Variants in CDYL observed in about 807,000 individuals in gnomAD.
CDYL encodes chromodomain Y like.
In CDYL, 8 loss-of-function variants were observed where a neutral mutation model predicts 47.3. The observed-to-expected ratio is 0.17, with a 90% confidence interval of 0.10 to 0.31. The LOEUF is 0.31. CDYL is among the 10% of genes least tolerant of loss of function. CDYL has a pLI of 1.00. For missense variants in CDYL, 471 were observed against 701.4 expected (o/e 0.67, Z 3.71); for synonymous variants, 266 against 265.0 (o/e 1.00, Z -0.04).
upstream of CDYL, among the ~76,000 whole-genome samples, chr6:4,776,128 A>G (rs1203900545): frequency 6.7e-6 from 1 of 148,428 alleles, no homozygotes; most frequent in Non-Finnish European, 1.5e-5. Flanking sequence ...CGCAAGCGGG[A>G]CTGGGGAAGT....
At chr6:4,718,193 G>A (rs1405277359) in intron 2 of CDYL, among the ~76,000 whole-genome samples, 1 of 152,006 alleles carries the variant, frequency 6.6e-6, no homozygotes, top group African/African-American at 2.4e-5. Context: ...TATGTATTAT[G>A]CCATAGACCA....
At chr6:4,842,528 T>C (rs1435129705) in intron 1 of CDYL, among the ~76,000 whole-genome samples, 5 of 152,086 alleles carry the variant, frequency 3.3e-5, no homozygotes, top group Non-Finnish European at 7.4e-5. Flanking sequence ...ATGCCCCTCT[T>C]TGTCTTCTTT....
intron 2 of CDYL, among the ~76,000 whole-genome samples, chr6:4,930,351 A>G (rs567177959): frequency 6.6e-6 from 1 of 152,258 alleles, no homozygotes; most frequent in South Asian, 2.1e-4. Flanking sequence ...CCTTTTCCAT[A>G]TCATGTCTCA....
intron 1 of CDYL, among the ~76,000 whole-genome samples, chr6:4,777,113 A>G (rs1385077121): frequency 1.4e-5 from 2 of 138,860 alleles, no homozygotes; most frequent in Non-Finnish European, 3.1e-5. Context: ...TGGGTCGTGG[A>G]AGTGGTGCCT....
intron 1 of CDYL, among the ~76,000 whole-genome samples, chr6:4,871,946 G>A (rs1205753948): frequency 2.0e-5 from 3 of 152,120 alleles, no homozygotes; most frequent in African/African-American, 4.8e-5. Flanking sequence ...CCATAACATC[G>A]CCCAGGATCT....
At chr6:4,807,630 C>T (rs1759410047) in intron 1 of CDYL, among the ~76,000 whole-genome samples, 1 of 107,872 alleles carries the variant, frequency 9.3e-6, no homozygotes, top group Non-Finnish European at 1.7e-5. Context: ...TGGAGATAGG[C>T]TCTTGCACTG....
intron 3 of CDYL, among the ~76,000 whole-genome samples, chr6:4,770,985 G>A (rs1401688119): frequency 6.6e-6 from 1 of 152,084 alleles, no homozygotes; most frequent in African/African-American, 2.4e-5. Context: ...ATATATACAT[G>A]CCTAAATATT....
chr6:4,776,738 G>GCCCCC lies in CDYL; in HGVS notation c.-43_-42insCCCCC. On this transcript the variant is annotated 5_prime_UTR_variant, in exon 1 of 7. Coordinates refer to ENST00000397588, the MANE Select transcript of CDYL (RefSeq NM_004824.4). Reference sequence around the variant, plus strand: ...AAAGTGTCGGCCGCCCGGCGCCGGCGCCCGCCCCGACCCTGCCCCTCCCGC... The same window carrying GCCCCC: ...AAAGTGTCGGCCGCCCGGCGCCGGCGCCCCCCCCGCCCCGACCCTGCCCCTCCCGC... 4.5e-5 allele frequency: 56 copies of GCCCCC among 1,250,202 alleles called. No homozygotes were observed. The highest frequency in any genetic ancestry group is 5.5e-5 in the Non-Finnish European group (53 of 969,194). 77.4% of individuals were successfully genotyped at this position (1,250,202 alleles called of 1,614,324 possible).
intron 1 of CDYL, among the ~76,000 whole-genome samples, chr6:4,868,591 A>G (rs1761387524): frequency 6.6e-6 from 1 of 152,108 alleles, no homozygotes; most frequent in South Asian, 2.1e-4. Flanking sequence ...TTTGTAGTAA[A>G]TGTTCTGAGT....
intron 2 of CDYL, among the ~76,000 whole-genome samples, chr6:4,928,135 T>G (rs1757932055): frequency 6.6e-6 from 1 of 152,224 alleles, no homozygotes. Flanking sequence ...CTTGTCTTCC[T>G]GCTAAATCTT....
At chr6:4,932,498 GAC>G (rs2127517646) in intron 2 of CDYL, among the ~76,000 whole-genome samples, 1 of 152,228 alleles carries the variant, frequency 6.6e-6, no homozygotes, top group East Asian at 1.9e-4. Context: ...ATTTGGGTGA[GAC>G]ACAGGCATTT....
intron 3 of CDYL, among the ~76,000 whole-genome samples, chr6:4,766,609 T>C (rs1758255440): frequency 6.6e-6 from 1 of 152,116 alleles, no homozygotes; most frequent in Non-Finnish European, 1.5e-5. Flanking sequence ...TGCATACAGG[T>C]ATCAAAAGAA....
In CDYL at chr6:4,935,565, C is replaced by T; in HGVS notation, c.742C>T (p.Gln248Ter). ...ALTANGTTNI[Q>*]TSVTGVTASK... is the part of the protein sequence containing the mutation. The stretch of plus-strand genomic sequence containing the variant: ...AACAGCCAATGGGACAACCAACATA[C>T]AGACATCTGTTACAGGAGTGACTGC... The change falls in exon 3 of 7, where the codon CAG becomes TAG. Residue 248 changes from glutamine (Q) to a stop codon, truncating the protein, a stop_gained. Transcript: ENST00000397588. LOFTEE classifies it high-confidence loss of function. 2 of 1,614,202 alleles carry T rather than the reference C, an allele frequency of 1.2e-6. No homozygotes were observed. The highest frequency in any genetic ancestry group is 1.7e-6 in the Non-Finnish European group (2 of 1,180,038).
chr6:4,785,930 G>A (rs1442744063), intron 1 of CDYL, among the ~76,000 whole-genome samples: 1 of 152,226 alleles, frequency 6.6e-6, no homozygotes, highest in Non-Finnish European at 1.5e-5. Flanking sequence ...GCTCCGTGGG[G>A]CCAGTCCTGC....
intron 5 of CDYL, among the ~76,000 whole-genome samples, chr6:4,950,804 C>T (rs1362188788): frequency 3.9e-5 from 6 of 151,928 alleles, no homozygotes; most frequent in African/African-American, 1.5e-4. Flanking sequence ...TGGTGGCGGG[C>T]GCCTGTAGTC....
chr6:4,800,756 G>A (rs977394530), intron 1 of CDYL, among the ~76,000 whole-genome samples: 1 of 152,152 alleles, frequency 6.6e-6, no homozygotes, highest in Non-Finnish European at 1.5e-5. Flanking sequence ...TGTGGTCCCA[G>A]TGTCTTCAGA....
intron 1 of CDYL, among the ~76,000 whole-genome samples, chr6:4,873,981 T>C (rs548166345): frequency 7.9e-5 from 12 of 152,276 alleles, no homozygotes; most frequent in African/African-American, 2.2e-4. Flanking sequence ...TTTCCTTGTG[T>C]TCATTCCTTA....
intron 3 of CDYL, among the ~76,000 whole-genome samples, chr6:4,739,189 A>AT (rs1757754143): frequency 6.7e-6 from 1 of 150,224 alleles, no homozygotes; most frequent in Non-Finnish European, 1.5e-5. Flanking sequence ...TAATTAAATA[A>AT]TAAAAATAAA....
chr6:4,862,536 A>C (rs1390308884), intron 1 of CDYL, among the ~76,000 whole-genome samples: 1 of 152,208 alleles, frequency 6.6e-6, no homozygotes, highest in Non-Finnish European at 1.5e-5. Flanking sequence ...TAACCTCTGA[A>C]AGAGCTGTAA....
Sources: gnomAD v4.1 joint callset for allele counts (sites outside exome capture counted in the v4.1 genomes callset) on GRCh38, gnomAD v4.1.1 for gene constraint, MANE v1.5 for transcripts, NCBI Gene and HGNC (gene_info 2026-07-23, HGNC 2026-07-21) for gene names.